FCN2: variants seen among roughly 807,000 people sequenced by gnomAD.
FCN2 encodes the protein ficolin-2.
Under a neutral mutation model 32.5 loss-of-function variants are expected in FCN2, and 31 were observed. That is an observed-to-expected ratio of 0.96 (90% CI 0.72 to 1.29). The LOEUF (loss-of-function observed/expected upper bound fraction) is 1.29, where lower values mean the gene tolerates loss of function less well. FCN2 is among the 50% of genes most tolerant of loss of function. FCN2 has a pLI of 0.00. For synonymous variants in FCN2, 181 were observed against 164.5 expected (o/e 1.10, Z -0.77); for missense variants, 412 against 406.5 (o/e 1.01, Z -0.12).
chr9:134,886,168 C>T lies in FCN2; in HGVS notation c.560-262C>T, dbSNP rs997834117. On this transcript the variant is annotated intron_variant, in intron 6 of 7. Transcript: ENST00000291744. ...CAGGTCCTGAGAGGGGAAGGAGGGA[C>T]ACAGTGGCCCCATAGTGGAGTTTGG... Among the ~76,000 whole-genome samples, 4 of 152,190 alleles carry T rather than the reference C, an allele frequency of 2.6e-5. No individual in the cohort carries two copies. The East Asian group carries it at 7.7e-4, about 29-fold the overall frequency.
At chr9:134,872,390 T>C in the FCN2 span, among the ~76,000 whole-genome samples, 1 of 152,214 alleles carries the variant, frequency 6.6e-6, no homozygotes, top group East Asian at 1.9e-4. Context: ...GCTATGAATC[T>C]CTGTGCACAG....
chr9:134,873,883 G>T, the FCN2 span, among the ~76,000 whole-genome samples: 1 of 45,418 alleles, frequency 2.2e-5, no homozygotes, highest in Non-Finnish European at 4.3e-5. Flanking sequence ...TTGTTTGTTT[G>T]TTTGTTTTGT....
chr9:134,886,179 C>G (rs921087814), intron 6 of FCN2, among the ~76,000 whole-genome samples: 2 of 152,160 alleles, frequency 1.3e-5, no homozygotes, highest in African/African-American at 4.8e-5. Context: ...ACAGTGGCCC[C>G]ATAGTGGAGT....
At position 134,886,435 on chromosome 9, in the gene FCN2, A is replaced by G. The variant is rs113041810; in HGVS notation, c.565A>G (p.Ser189Gly). The G allele has an allele frequency of 1.1e-4, 170 of 1,614,208 alleles. No homozygotes were observed. In the African/African-American group the frequency reaches 2.1e-3, roughly 20 times the overall value. ...NIHALTAQGT[S>G]ELRVDLVDFE... ...CTGAAACCTTTCTCTAACAGGAACC[A>G]GCGAGCTCCGTGTAGACCTGGTGGA... The change falls in exon 7 of 8, where the codon AGC (serine) becomes GGC (glycine). Residue 189 changes from serine to glycine, a missense_variant. Transcript: ENST00000291744.
chr9:134,870,981 T>C, the FCN2 span, among the ~76,000 whole-genome samples: 1 of 152,128 alleles, frequency 6.6e-6, no homozygotes, highest in Admixed American at 6.5e-5. This position sits in a 1 kb window ranked among gnomAD's most constrained non-coding sequence, Gnocchi z 4.3. Context: ...GACCCCAGAG[T>C]CAGGCGACCT....
At chr9:134,880,961 C>G (rs745605325) in intron 1 of FCN2, 40 bp downstream of exon 1, 2 of 1,467,976 alleles carry the variant, frequency 1.4e-6, no homozygotes, top group African/African-American at 1.4e-5. Context: ...AACTTCTCGT[C>G]CCTGAAAGCT....
chr9:134,887,207 C>G lies in FCN2; in HGVS notation c.734C>G (p.Thr245Ser). The part of the protein sequence containing the change: ...LTFHNNQSFS[T>S]KDQDNDLNTG... ...TTCCACAACAACCAGTCCTTCTCCA[C>G]CAAAGACCAGGACAATGATCTTAAC... The change falls in exon 8 of 8, where the codon ACC becomes AGC. Residue 245 changes from threonine (T) to serine (S), a missense_variant. By Grantham distance (58) the Thr-to-Ser change is moderately conservative (BLOSUM62 1). Coordinates refer to ENST00000291744, the MANE Select transcript of FCN2 (RefSeq NM_004108.3). 1 of 1,614,144 alleles carries G rather than the reference C, an allele frequency of 6.2e-7. No homozygotes were observed.
In FCN2 at chr9:134,887,283, C is replaced by T; in HGVS notation, c.810C>T (p.Cys270=). ...MFQGAWWYKN[C]HVSNLNGRYL... is the part of the protein sequence containing the mutation. ...AGGGAGCTTGGTGGTACAAAAACTG[C>T]CATGTGTCAAACCTGAATGGTCGCT... The change falls in exon 8 of 8, where the codon TGC becomes TGT. Residue 270 remains cysteine (C), a synonymous_variant. Coordinates refer to ENST00000291744, the MANE Select transcript of FCN2 (RefSeq NM_004108.3). 1.9e-6 allele frequency: 3 copies of T among 1,614,180 alleles called. No homozygotes were observed. The highest frequency in any genetic ancestry group is 2.7e-5 in the African/African-American group (2 of 75,040).
the FCN2 span, among the ~76,000 whole-genome samples, chr9:134,871,299 G>A: frequency 6.6e-6 from 1 of 152,174 alleles, no homozygotes; most frequent in African/African-American, 2.4e-5. Flanking sequence ...TGTGGTTTCT[G>A]GGATCTGTGA....
intron 1 of FCN2, 51 bp downstream of exon 1, chr9:134,880,972 G>T: frequency 7.2e-7 from 1 of 1,384,490 alleles, no homozygotes; most frequent in South Asian, 1.2e-5. Context: ...CCTGAAAGCT[G>T]GCAGCTTCGT....
chr9:134,872,289 C>T, the FCN2 span, among the ~76,000 whole-genome samples: 3 of 152,212 alleles, frequency 2.0e-5, no homozygotes, highest in African/African-American at 7.2e-5. Flanking sequence ...CAGAGTCATA[C>T]TCTGTGTGTG....
chr9:134,872,709 G>A, the FCN2 span, among the ~76,000 whole-genome samples: 1 of 152,172 alleles, frequency 6.6e-6, no homozygotes, highest in African/African-American at 2.4e-5. Flanking sequence ...CACGAGAACA[G>A]CACGAGAAGA....
intron 4 of FCN2, 106 bp from the exon 5 acceptor site, chr9:134,885,133 A>G: frequency 6.7e-7 from 1 of 1,484,904 alleles, no homozygotes; most frequent in Non-Finnish European, 9.3e-7. Context: ...CGCTCTGTTC[A>G]TACAGACGCC....
chr9:134,880,654 G>C (rs1414707488), upstream of FCN2, among the ~76,000 whole-genome samples: 1 of 152,204 alleles, frequency 6.6e-6, no homozygotes, highest in Non-Finnish European at 1.5e-5. Context: ...CAAGGGGCGG[G>C]GGGTAGGGAG....
the FCN2 span, among the ~76,000 whole-genome samples, chr9:134,871,695 A>C: frequency 1.3e-3 from 205 of 152,304 alleles, no homozygotes; most frequent in Non-Finnish European, 2.3e-3. Context: ...TGGGATGGGC[A>C]GGAGTCCTGG....
chr9:134,870,235 G>C, the FCN2 span, among the ~76,000 whole-genome samples: 126,169 of 152,200 alleles, frequency 0.83, 53,138 homozygotes, highest in East Asian at 0.99. This position sits in a 1 kb window ranked among gnomAD's most constrained non-coding sequence, Gnocchi z 4.3. Flanking sequence ...CAGCCCCCAG[G>C]CCATTGCCCC....
At chr9:134,881,139 C>T (rs1386163904) in intron 1 of FCN2, among the ~76,000 whole-genome samples, 1 of 152,212 alleles carries the variant, frequency 6.6e-6, no homozygotes, top group East Asian at 1.9e-4. Context: ...CTTGCCCTCC[C>T]ATAATGGAAA....
intron 3 of FCN2, among the ~76,000 whole-genome samples, chr9:134,883,624 T>A (rs1588643771): frequency 4.3e-5 from 1 of 23,454 alleles, no homozygotes; most frequent in Non-Finnish European, 7.7e-5. Context: ...TTTGGGGGAG[T>A]GGGGTCATCA....
At position 134,885,752 on chromosome 9, in the gene FCN2, C is replaced by G. The variant is rs376083629; in HGVS notation, c.430-16C>G. ...GGCCTGGCCCCCCCGGCTCCTGTCCCCTGGCTTCTCCACAGGTTTTCCAGC... is the reference window on the plus strand; with the variant it reads ...GGCCTGGCCCCCCCGGCTCCTGTCCGCTGGCTTCTCCACAGGTTTTCCAGC... On this transcript the variant is annotated splice_polypyrimidine_tract_variant and intron_variant, in intron 5 of 7. Transcript: ENST00000291744. 7.7e-5 allele frequency: 124 copies of G among 1,613,870 alleles called. No individual in the cohort carries two copies. Among genetic ancestry groups the G allele is most frequent in the Non-Finnish European group, 8.6e-5 (101 of 1,179,964 alleles).
Sources: allele counts gnomAD v4.1 joint callset (sites outside exome capture counted in the v4.1 genomes callset), GRCh38; gene constraint gnomAD v4.1.1; non-coding constraint Gnocchi (gnomAD v3.1); transcripts MANE v1.5; gene names NCBI Gene and HGNC (gene_info 2026-07-23, HGNC 2026-07-21).